USP42: variants seen among roughly 807,000 people sequenced by gnomAD.
USP42 encodes the protein ubiquitin specific peptidase 42, also known as ubiquitin carboxyl-terminal hydrolase 42.
Under a neutral mutation model 113.0 loss-of-function variants are expected in USP42, and 23 were observed. The observed-to-expected ratio is 0.20, with a 90% CI of 0.15 to 0.29. USP42 has a LOEUF of 0.29. Ranked by LOEUF, USP42 falls within the 10% of genes least tolerant of loss-of-function variation. The probability of loss-of-function intolerance (pLI) is 1.00; values close to 1 mark genes in which losing one functional copy is unlikely to be tolerated. For synonymous variants in USP42, 933 were observed against 699.0 expected (o/e 1.33, Z -5.28); for missense variants, 2,174 against 1,779.8 (o/e 1.22, Z -3.99).
chr7:6,135,554 G>A (rs1437634927), intron 3 of USP42, among the ~76,000 whole-genome samples: 2 of 149,832 alleles, frequency 1.3e-5, no homozygotes, highest in African/African-American at 4.9e-5. Flanking sequence ...GGGAGGCTGA[G>A]GCAGGCAAAT....
At chr7:6,119,779 C>T (rs568143915) in intron 3 of USP42, among the ~76,000 whole-genome samples, 10 of 152,104 alleles carry the variant, frequency 6.6e-5, no homozygotes, top group African/African-American at 2.4e-4. Context: ...TCAGAGCTCA[C>T]TGCAGCCTTG....
intron 15 of USP42, 120 bp downstream of exon 15, chr7:6,155,315 T>C: frequency 2.1e-6 from 3 of 1,400,074 alleles, no homozygotes; most frequent in Non-Finnish European, 2.8e-6. Context: ...TCCGTCTGAT[T>C]TGTGTCTTTC....
chr7:6,083,572 G>A, the USP42 span, among the ~76,000 whole-genome samples: 1 of 149,984 alleles, frequency 6.7e-6, no homozygotes, highest in South Asian at 2.1e-4. Context: ...ACATATATAT[G>A]TATGTATACA....
At chr7:6,092,035 C>CT in the USP42 span, among the ~76,000 whole-genome samples, 1 of 98,210 alleles carries the variant, frequency 1.0e-5, no homozygotes, top group African/African-American at 4.1e-5. Context: ...TCTTCTTCTT[C>CT]TTCTTCTTCT....
intron 1 of USP42, among the ~76,000 whole-genome samples, chr7:6,108,972 G>A (rs905164160): frequency 3.9e-5 from 6 of 152,218 alleles, no homozygotes; most frequent in Non-Finnish European, 5.9e-5. Flanking sequence ...CAGGTCAGAG[G>A]ATGTGAATAA....
chr7:6,153,942 C>T lies in USP42; in HGVS notation c.2388C>T (p.Val796=). 1.3e-6 allele frequency: 2 copies of T among 1,597,944 alleles called. No homozygotes were observed. Among genetic ancestry groups the T allele is most frequent in the Non-Finnish European group, 1.7e-6 (2 of 1,175,114 alleles). ...AAGGCGCCTGGGAGGCCATGGCCGTCGCCCCCGAGGAGCCTCCGCCCAGCG... is the reference window on the plus strand; with the variant it reads ...AAGGCGCCTGGGAGGCCATGGCCGTTGCCCCCGAGGAGCCTCCGCCCAGCG... The part of the protein sequence containing the change: ...TKEGAWEAMA[V]APEEPPPSAG... The change falls in exon 15 of 18, where the codon GTC becomes GTT. Residue 796 remains valine (V), a synonymous_variant. Coordinates refer to ENST00000306177, the MANE Select transcript of USP42 (RefSeq NM_032172.3).
chr7:6,109,881 A>G (rs188342064), intron 1 of USP42, among the ~76,000 whole-genome samples: 1 of 148,348 alleles, frequency 6.7e-6, no homozygotes, highest in Non-Finnish European at 1.5e-5. Flanking sequence ...TTGTATTTTT[A>G]GTAGAGATGA....
chr7:6,150,148 T>C lies in USP42; in HGVS notation c.1952T>C (p.Leu651Pro), dbSNP rs778665692. 6.2e-7 allele frequency: 1 copy of C among 1,613,766 alleles called. No homozygotes were observed. The highest frequency in any genetic ancestry group is 8.5e-7 in the Non-Finnish European group (1 of 1,179,780). ...AEDEEATPHE[L>P]QEPMTLNGAN... ...GATGAGGAGGCCACTCCGCACGAGC[T>C]TCAAGAACCCATGACCCTAAACGGT... The change falls in exon 13 of 18, where the codon CTT becomes CCT. Residue 651 changes from leucine to proline, a missense_variant. Coordinates refer to ENST00000306177, the MANE Select transcript of USP42 (RefSeq NM_032172.3).
chr7:6,092,079 TTCC>T, the USP42 span, among the ~76,000 whole-genome samples: 3,501 of 36,232 alleles, frequency 0.097, 493 homozygotes, highest in African/African-American at 0.28. Context: ...CTTCTTCCTC[TTCC>T]TCTTCTTCTT....
chr7:6,151,099 A>C (rs1782023892), intron 14 of USP42, among the ~76,000 whole-genome samples: 1 of 152,156 alleles, frequency 6.6e-6, no homozygotes, highest in Non-Finnish European at 1.5e-5. Flanking sequence ...TAGAAAAGGG[A>C]CAGTAAAAAT....
chr7:6,148,850 A>G (rs1409986264), intron 12 of USP42, among the ~76,000 whole-genome samples: 1 of 152,236 alleles, frequency 6.6e-6, no homozygotes, highest in Non-Finnish European at 1.5e-5. Flanking sequence ...GCTCTGCTCC[A>G]GAGTGACATC....
chr7:6,155,079 AAAG>A lies in USP42; in HGVS notation c.3528_3530del (p.Lys1177del), dbSNP rs1386383248. ...TGGAGAACAGTGACAGTCATGTTGA[AAAG>A]AAAGCCCGGAGGAGCGAACAGAAGG... On this transcript the variant is annotated inframe_deletion, in exon 15 of 18. Coordinates refer to ENST00000306177, the MANE Select transcript of USP42 (RefSeq NM_032172.3). 1 of 1,562,806 alleles carries A rather than the reference AAAG, an allele frequency of 6.4e-7. No homozygotes were observed. The highest frequency in any genetic ancestry group is 8.7e-7 in the Non-Finnish European group (1 of 1,153,682).
At chr7:6,148,977 T>C (rs1402128331) in intron 12 of USP42, among the ~76,000 whole-genome samples, 1 of 152,218 alleles carries the variant, frequency 6.6e-6, no homozygotes, top group Non-Finnish European at 1.5e-5. Context: ...TGGCAGCTAA[T>C]TCAGGTATGT....
At chr7:6,160,491 G>A (rs1019327328) in intron 17 of USP42, 64 bp from the exon 18 acceptor site, 1 of 151,952 alleles carries the variant, frequency 6.6e-6, no homozygotes, top group African/African-American at 2.4e-5. Context: ...AGGGCGTCCG[G>A]GAATAAGCCC....
At position 6,154,274 on chromosome 7, in the gene USP42, C is replaced by T. The variant is rs375752290; in HGVS notation, c.2720C>T (p.Ala907Val). ...ERPPAPVLDM[A>V]PAGHPEGDAE... ...CCGCCAGCTCCTGTGCTGGACATGGCCCCGGCCGGTCACCCGGAAGGGGAC... is the reference window on the plus strand; with the variant it reads ...CCGCCAGCTCCTGTGCTGGACATGGTCCCGGCCGGTCACCCGGAAGGGGAC... The change falls in exon 15 of 18, where the codon GCC (alanine) becomes GTC (valine). Residue 907 changes from alanine to valine, a missense_variant. Transcript: ENST00000306177. The T allele has an allele frequency of 1.3e-6, 2 of 1,597,100 alleles. No homozygotes were observed. The highest frequency in any genetic ancestry group is 1.3e-5 in the African/African-American group (1 of 74,690).
chr7:6,082,603 GTTTTTTTTTTTTT>G, the USP42 span, among the ~76,000 whole-genome samples: 7 of 90,192 alleles, frequency 7.8e-5, no homozygotes, highest in Non-Finnish European at 1.4e-4. Context: ...CTTTCTTTCT[GTTTTTTTTTTTTT>G]TTTTTTTTTT....
Position 6,154,419 on chromosome 7 carries a change from C to T in USP42, c.2865C>T (p.Ser955=). 2 of 1,575,370 alleles carry T rather than the reference C, an allele frequency of 1.3e-6. No homozygotes were observed. Among genetic ancestry groups the T allele is most frequent in the African/African-American group, 1.4e-5 (1 of 74,020 alleles). ...LRKVDRGHYR[S]RRERSSSGEP... Reference sequence around the variant, plus strand: ...AGGTGGACCGAGGCCACTACCGCAGCCGGAGAGAGCGCTCGTCCAGCGGGG... The same window carrying T: ...AGGTGGACCGAGGCCACTACCGCAGTCGGAGAGAGCGCTCGTCCAGCGGGG... The change falls in exon 15 of 18, where the codon AGC becomes AGT. Residue 955 remains serine, a synonymous_variant. Coordinates refer to ENST00000306177, the MANE Select transcript of USP42 (RefSeq NM_032172.3).
intron 15 of USP42, among the ~76,000 whole-genome samples, chr7:6,155,997 T>C (rs1269971634): frequency 6.6e-6 from 1 of 152,198 alleles, no homozygotes; most frequent in Admixed American, 6.5e-5. Context: ...ACTCAAGCGA[T>C]CCCAAAGCAC....
At chr7:6,115,670 C>G in intron 3 of USP42, 147 bp downstream of exon 3, 1 of 977,124 alleles carries the variant, frequency 1.0e-6, no homozygotes, top group South Asian at 1.7e-5. Context: ...GAGGAGGACT[C>G]AGGATTGGGA....
Sources: allele counts gnomAD v4.1 joint callset (sites outside exome capture counted in the v4.1 genomes callset), GRCh38; gene constraint gnomAD v4.1.1; transcripts MANE v1.5; gene names NCBI Gene and HGNC (gene_info 2026-07-23, HGNC 2026-07-21).